CDH4: variants seen among roughly 807,000 people sequenced by gnomAD.
CDH4 encodes the protein cadherin-4.
Under a neutral mutation model 86.0 loss-of-function variants are expected in CDH4, and 33 were observed. The ratio of observed to expected loss-of-function variants is 0.38; its 90% CI spans 0.29 to 0.51. The LOEUF is 0.51. Ranked by LOEUF, CDH4 falls within the 20% of genes least tolerant of loss-of-function variation. The probability of loss-of-function intolerance (pLI) is 0.86; values close to 1 mark genes in which losing one functional copy is unlikely to be tolerated. For missense variants in CDH4, 1,114 were observed against 1,307.4 expected (o/e 0.85, Z 2.28); for synonymous variants, 555 against 549.4 (o/e 1.01, Z -0.14).
At chr20:61,858,059 G>A (rs564444344) in intron 6 of CDH4, among the ~76,000 whole-genome samples, 4 of 151,262 alleles carry the variant, frequency 2.6e-5, no homozygotes, top group Admixed American at 1.3e-4. Context: ...GTCTCTGTGT[G>A]TGTGTCTGTA....
chr20:61,495,553 C>CAG, intron 2 of CDH4, among the ~76,000 whole-genome samples: 1 of 152,282 alleles, frequency 6.6e-6, no homozygotes, highest in East Asian at 1.9e-4. Context: ...ACTGAGACTG[C>CAG]AGCCTGGGCG....
chr20:61,751,434 G>A (rs1380595984), intron 3 of CDH4, among the ~76,000 whole-genome samples: 1 of 152,174 alleles, frequency 6.6e-6, no homozygotes, highest in Non-Finnish European at 1.5e-5. Context: ...CAAAAATAAT[G>A]AGCCCAGAAA....
intron 2 of CDH4, among the ~76,000 whole-genome samples, chr20:61,701,995 G>A (rs776416331): frequency 1.3e-5 from 2 of 152,262 alleles, no homozygotes; most frequent in Non-Finnish European, 2.9e-5. Flanking sequence ...GCTGGCAGCC[G>A]GGAGGAAGAG....
intron 2 of CDH4, among the ~76,000 whole-genome samples, chr20:61,412,749 G>A (rs1479063927): frequency 3.9e-5 from 6 of 152,256 alleles, no homozygotes; most frequent in East Asian, 1.9e-4. Flanking sequence ...GCATCTCTCC[G>A]GCCTCATGGA....
chr20:61,615,224 C>T (rs111421749), intron 2 of CDH4, among the ~76,000 whole-genome samples: 3,448 of 151,984 alleles, frequency 0.023, 160 homozygotes, highest in African/African-American at 0.078. Flanking sequence ...TGGGTTCAAG[C>T]GATTCTCCTG....
chr20:61,280,652 T>A (rs1464393874), intron 2 of CDH4, among the ~76,000 whole-genome samples: 1 of 152,196 alleles, frequency 6.6e-6, no homozygotes, highest in Non-Finnish European at 1.5e-5. Context: ...CACGGACTTA[T>A]GGGAAATAAT....
intron 2 of CDH4, among the ~76,000 whole-genome samples, chr20:61,286,202 A>T (rs377579982): frequency 4.8e-4 from 73 of 152,284 alleles, no homozygotes; most frequent in African/African-American, 1.8e-3. Context: ...AGACTCCCAG[A>T]TCTGGCCCCG....
intron 2 of CDH4, among the ~76,000 whole-genome samples, chr20:61,312,294 T>G (rs1432128762): frequency 1.3e-5 from 2 of 150,522 alleles, no homozygotes; most frequent in African/African-American, 2.4e-5. Flanking sequence ...TATGCATATG[T>G]CAGTGTGTGT....
intron 6 of CDH4, among the ~76,000 whole-genome samples, chr20:61,865,489 C>T (rs111305793): frequency 2.4e-4 from 37 of 151,638 alleles, no homozygotes; most frequent in African/African-American, 8.7e-4. Context: ...TGATACCTGG[C>T]ATCCTGGGTG....
intron 2 of CDH4, among the ~76,000 whole-genome samples, chr20:61,713,924 ATCAGATGTGTGT>A (rs1197689858): frequency 6.6e-6 from 1 of 152,172 alleles, no homozygotes; most frequent in Non-Finnish European, 1.5e-5. Flanking sequence ...CAGTGGGCTG[ATCAGATGTGTGT>A]TCACCCCAGC....
chr20:61,441,417 A>G (rs1364156903), intron 2 of CDH4, among the ~76,000 whole-genome samples: 5 of 152,172 alleles, frequency 3.3e-5, no homozygotes, highest in Admixed American at 3.3e-4. Flanking sequence ...CATCGATGAC[A>G]CTGGTTATAC....
At position 61,673,002 on chromosome 20, in the gene CDH4, G is replaced by A. The variant is rs58448392; in HGVS notation, c.170-70561G>A. Among the ~76,000 whole-genome samples, 1,011 of 152,196 alleles carry A rather than the reference G, an allele frequency of 6.6e-3. 10 individuals are homozygous for A. The highest frequency in any genetic ancestry group is 0.023 in the African/African-American group (934 of 41,504). ...GAGAGTGACAGAGAAAGAAAGAGAC[G>A]CAGAGAGAAAGACAAAGATAGCATC... is the stretch of plus-strand genomic sequence containing the variant. On this transcript the variant is annotated intron_variant, in intron 2 of 15. Transcript: ENST00000614565.
intron 2 of CDH4, among the ~76,000 whole-genome samples, chr20:61,279,808 G>A (rs1178108992): frequency 3.3e-5 from 5 of 152,204 alleles, no homozygotes; most frequent in Non-Finnish European, 7.3e-5. Context: ...AGCTGTGGGC[G>A]GCCAGGTGCT....
intron 2 of CDH4, among the ~76,000 whole-genome samples, chr20:61,272,484 C>T (rs924095896): frequency 2.0e-5 from 3 of 152,214 alleles, no homozygotes; most frequent in African/African-American, 7.2e-5. Context: ...TATTGCATTT[C>T]TCCCTTATCA....
chr20:61,657,082 A>C (rs886262001), intron 2 of CDH4, among the ~76,000 whole-genome samples: 1 of 152,204 alleles, frequency 6.6e-6, no homozygotes, highest in Non-Finnish European at 1.5e-5. Context: ...TATTTGAGCA[A>C]ATCTAATGAC....
intron 2 of CDH4, among the ~76,000 whole-genome samples, chr20:61,263,861 C>T (rs1213440389): frequency 1.3e-5 from 2 of 152,108 alleles, no homozygotes; most frequent in African/African-American, 4.8e-5. Flanking sequence ...CTGGCCGCTT[C>T]CTCCGTCTTC....
At chr20:61,638,625 A>G (rs992818738) in intron 2 of CDH4, among the ~76,000 whole-genome samples, 3 of 152,038 alleles carry the variant, frequency 2.0e-5, no homozygotes, top group Non-Finnish European at 2.9e-5. Context: ...ATATAAAGAT[A>G]CCTGTCATTC....
At chr20:61,614,877 C>T (rs550402449) in intron 2 of CDH4, among the ~76,000 whole-genome samples, 1 of 152,062 alleles carries the variant, frequency 6.6e-6, no homozygotes, top group South Asian at 2.1e-4. Flanking sequence ...AGCCTCCCAG[C>T]ACCCACTTTC....
chr20:61,679,858 G>A lies in CDH4; in HGVS notation c.170-63705G>A, dbSNP rs186295478. ...CCGGAGCTTTGCTTTAGCTCTCAGG[G>A]CCCCCATCTGGGTGGACTTCCAAGG... is the stretch of plus-strand genomic sequence containing the variant. On this transcript the variant is annotated intron_variant, in intron 2 of 15. Coordinates refer to ENST00000614565, the MANE Select transcript of CDH4 (RefSeq NM_001794.5). Among the ~76,000 whole-genome samples the A allele has an allele frequency of 6.7e-3, 1,022 of 152,322 alleles. 10 individuals are homozygous for A. Among genetic ancestry groups the A allele is most frequent in the African/African-American group, 0.023 (948 of 41,574 alleles).
Sources: gnomAD v4.1 joint callset for allele counts (sites outside exome capture counted in the v4.1 genomes callset) on GRCh38, gnomAD v4.1.1 for gene constraint, MANE v1.5 for transcripts, NCBI Gene and HGNC (gene_info 2026-07-23, HGNC 2026-07-21) for gene names.